The following PCDHGA9 variants were observed in gnomAD, a reference collection of about 807,000 sequenced individuals.
PCDHGA9 encodes the protein protocadherin gamma-A9.
In PCDHGA9, 37 loss-of-function variants were observed where a neutral mutation model predicts 62.5. That is an observed-to-expected ratio of 0.59 (90% CI 0.46 to 0.78). PCDHGA9 has a LOEUF of 0.78. Among genes scored for constraint, PCDHGA9 ranks in the 30% least tolerant of loss-of-function variants. The pLI is 0.00. For missense variants in PCDHGA9, 1,138 were observed against 1,166.2 expected (o/e 0.98, Z 0.35); for synonymous variants, 459 against 484.6 (o/e 0.95, Z 0.69).
chr5:141,487,275 G>T lies in PCDHGA9; in HGVS notation c.2425-7532G>T, dbSNP rs747253888. 2.5e-6 allele frequency: 4 copies of T among 1,614,158 alleles called. No homozygotes were observed. The highest frequency in any genetic ancestry group is 1.1e-5 in the South Asian group (1 of 91,074). On this transcript the variant is annotated intron_variant, in intron 1 of 3. Coordinates refer to ENST00000573521, the MANE Select transcript of PCDHGA9 (RefSeq NM_018921.3). The surrounding 1 kb of genome is among the most constrained non-coding windows in gnomAD (Gnocchi z 5.0). ...TTGGCTGTGTCCCTAGTGGCAATTT[G>T]CTTTGTCTCCTTTGGCTCATTCGTG...
chr5:141,433,001 G>T, intron 1 of PCDHGA9: 1 of 1,614,156 alleles, frequency 6.2e-7, no homozygotes, highest in African/African-American at 1.3e-5. Flanking sequence ...CGGGGTGCAG[G>T]CTTTCCTGCA....
At chr5:141,447,725 C>G (rs1009407606) in intron 1 of PCDHGA9, among the ~76,000 whole-genome samples, 4 of 152,174 alleles carry the variant, frequency 2.6e-5, no homozygotes, top group African/African-American at 9.7e-5. Context: ...TTTTCCAAAA[C>G]TCATTGAACT....
rs1222364302 is a variant in PCDHGA9, at chr5:141,414,920, C to T, written c.2424+9544C>T. On this transcript the variant is annotated intron_variant, in intron 1 of 3. Coordinates refer to ENST00000573521, the MANE Select transcript of PCDHGA9 (RefSeq NM_018921.3). ...GACGGTTCCACAGGCGTGGAGCTGG[C>T]GCCCCGCTCCGCAGAGCCCGGCTAC... 2.5e-6 allele frequency: 4 copies of T among 1,614,146 alleles called. No individual in the cohort carries two copies. The South Asian group carries it at 3.3e-5, about 13-fold the overall frequency.
intron 1 of PCDHGA9, among the ~76,000 whole-genome samples, chr5:141,458,436 C>T (rs2098945707): frequency 6.6e-6 from 1 of 152,056 alleles, no homozygotes; most frequent in Non-Finnish European, 1.5e-5. Context: ...AAGAGGAGGT[C>T]CCCCACATTA....
intron 1 of PCDHGA9, among the ~76,000 whole-genome samples, chr5:141,464,251 C>T (rs1438610569): frequency 1.4e-5 from 2 of 141,396 alleles, no homozygotes; most frequent in Admixed American, 7.5e-5. Flanking sequence ...GGCTACAGAG[C>T]GAGACTCCGT....
chr5:141,489,636 C>T lies in PCDHGA9; in HGVS notation c.2425-5171C>T. On this transcript the variant is annotated intron_variant, in intron 1 of 3. Coordinates refer to ENST00000573521, the MANE Select transcript of PCDHGA9 (RefSeq NM_018921.3). The surrounding 1 kb of genome is among the most constrained non-coding windows in gnomAD (Gnocchi z 4.5). ...TGGATCTCAATGACAACTCTCCTAG[C>T]TTTGCCACCCCTGAGCGAGAGATGC... 1.2e-6 allele frequency: 2 copies of T among 1,614,190 alleles called. No homozygotes were observed. The highest frequency in any genetic ancestry group is 1.7e-6 in the Non-Finnish European group (2 of 1,180,030).
At chr5:141,449,101 G>A (rs1020443363) in intron 1 of PCDHGA9, among the ~76,000 whole-genome samples, 2 of 152,144 alleles carry the variant, frequency 1.3e-5, no homozygotes, top group African/African-American at 2.4e-5. Flanking sequence ...TACATATGCA[G>A]TATATCTTTG....
intron 1 of PCDHGA9, among the ~76,000 whole-genome samples, chr5:141,425,997 A>T (rs1365887915): frequency 6.6e-6 from 1 of 152,174 alleles, no homozygotes; most frequent in African/African-American, 2.4e-5. Context: ...GAATTAGCAA[A>T]GGCTTCCGGC....
At position 141,491,640 on chromosome 5, in the gene PCDHGA9, T is replaced by A; in HGVS notation, c.2425-3167T>A. 6.2e-7 allele frequency: 1 copy of A among 1,613,804 alleles called. No homozygotes were observed. Among genetic ancestry groups the A allele is most frequent in the South Asian group, 1.1e-5 (1 of 91,086 alleles). On this transcript the variant is annotated intron_variant, in intron 1 of 3. Coordinates refer to ENST00000573521, the MANE Select transcript of PCDHGA9 (RefSeq NM_018921.3). This position sits in a 1 kb window ranked among gnomAD's most constrained non-coding sequence, Gnocchi z 6.9. ...CCCTCAGCGTTCAGCAGCCCACAGC[T>A]CTGGCGCTGGAGCCTGACGCCATCC...
chr5:141,419,368 C>T, intron 1 of PCDHGA9: 1 of 1,613,776 alleles, frequency 6.2e-7, no homozygotes, highest in Non-Finnish European at 8.5e-7. Context: ...CGCTGTCGTC[C>T]TACGTGTCCG....
chr5:141,465,923 C>A (rs908350232), intron 1 of PCDHGA9, among the ~76,000 whole-genome samples: 2 of 152,062 alleles, frequency 1.3e-5, no homozygotes, highest in African/African-American at 4.8e-5. Flanking sequence ...GATTTCGAGT[C>A]CATCCTGGCT....
At chr5:141,505,348 G>A (rs1414647950) in intron 2 of PCDHGA9, 45 bp from the exon 3 acceptor site, 1 of 1,613,358 alleles carries the variant, frequency 6.2e-7, no homozygotes, top group Admixed American at 1.7e-5. Context: ...GGCATGAGCT[G>A]TGCCGGCCTG....
At chr5:141,478,044 C>T in intron 1 of PCDHGA9, 2 of 1,614,184 alleles carry the variant, frequency 1.2e-6, no homozygotes, top group South Asian at 1.1e-5. Flanking sequence ...CCCAGGCAGA[C>T]TCTCACGGTC....
At chr5:141,412,890 T>G (rs2095584785) in intron 1 of PCDHGA9, 1 of 330,212 alleles carries the variant, frequency 3.0e-6, no homozygotes, top group Non-Finnish European at 5.4e-6. Context: ...AACAGAATAG[T>G]TTACTTTCCA....
At position 141,404,202 on chromosome 5, in the gene PCDHGA9, AAT is replaced by A; in HGVS notation, c.1254_1255del (p.Tyr418Ter). The A allele has an allele frequency of 6.2e-7, 1 of 1,613,738 alleles. No homozygotes were observed. Among genetic ancestry groups the A allele is most frequent in the Non-Finnish European group, 8.5e-7 (1 of 1,179,738 alleles). ...ATTCTTGACCGAGAAAAAGCCTCAG[AAT>A]ATAATATCACGGTGACTGCAACAGA... On this transcript the variant is annotated frameshift_variant, in exon 1 of 4. Transcript: ENST00000573521. LOFTEE classifies it high-confidence loss of function.
chr5:141,409,293 T>G, intron 1 of PCDHGA9: 1 of 1,613,992 alleles, frequency 6.2e-7, no homozygotes, highest in Non-Finnish European at 8.5e-7. Flanking sequence ...CCTCCAGGAA[T>G]GGTTGTTGCC....
chr5:141,450,608 T>C (rs916441293), intron 1 of PCDHGA9, among the ~76,000 whole-genome samples: 5 of 151,776 alleles, frequency 3.3e-5, no homozygotes, highest in Admixed American at 2.6e-4. Flanking sequence ...TGCCTCAGCC[T>C]CCTGAGTAGC....
Position 141,417,921 on chromosome 5 carries a change from T to G in PCDHGA9, c.2424+12545T>G, listed in dbSNP as rs771406905. 7.5e-6 allele frequency: 12 copies of G among 1,607,746 alleles called. No homozygotes were observed. The Admixed American group carries it at 1.7e-4, about 23-fold the overall frequency. On this transcript the variant is annotated intron_variant, in intron 1 of 3. Transcript: ENST00000573521. ...CCGCGGCAGGTACTATTTCCTTTGC[T>G]GCTGCCTTTGTTCTACCCCACGCTG...
chr5:141,449,916 T>C (rs1453191109), intron 1 of PCDHGA9, among the ~76,000 whole-genome samples: 1 of 151,912 alleles, frequency 6.6e-6, no homozygotes, highest in East Asian at 1.9e-4. Context: ...CATATTTAAA[T>C]TCTACCATAC....
Sources: gnomAD v4.1 joint callset for allele counts (sites outside exome capture counted in the v4.1 genomes callset) on GRCh38, gnomAD v4.1.1 for gene constraint, Gnocchi (gnomAD v3.1) non-coding constraint, MANE v1.5 for transcripts, NCBI Gene and HGNC (gene_info 2026-07-23, HGNC 2026-07-21) for gene names.